CDC14A: variants seen among roughly 807,000 people sequenced by gnomAD.
CDC14A encodes the protein dual specificity protein phosphatase CDC14A.
In CDC14A, 53 loss-of-function variants were observed where a neutral mutation model predicts 74.4. That is an observed-to-expected ratio of 0.71 (90% CI 0.57 to 0.89). The LOEUF is 0.89. Ranked by LOEUF, CDC14A falls within the 40% of genes least tolerant of loss-of-function variation. The pLI is 0.00. For missense variants in CDC14A, 646 were observed against 713.7 expected (o/e 0.91, Z 1.08); for synonymous variants, 247 against 258.4 (o/e 0.96, Z 0.43).
intron 7 of CDC14A, among the ~76,000 whole-genome samples, chr1:100,448,917 A>G (rs1278724384): frequency 6.6e-6 from 1 of 152,190 alleles, no homozygotes; most frequent in Non-Finnish European, 1.5e-5. Context: ...CTGGTACCAT[A>G]GAATCCATGT....
chr1:100,515,842 G>A (rs1650173089), intron 15 of CDC14A, among the ~76,000 whole-genome samples: 1 of 152,126 alleles, frequency 6.6e-6, no homozygotes, highest in Non-Finnish European at 1.5e-5. Flanking sequence ...AACATGTTTT[G>A]TTTTGAGGAC....
rs947308999 is a variant in CDC14A, at chr1:100,359,033, C to T, written c.140+5181C>T. Among the ~76,000 whole-genome samples the T allele has an allele frequency of 5.9e-5, 9 of 152,284 alleles. No homozygotes were observed. In the East Asian group the frequency reaches 7.7e-4, roughly 13 times the overall value. On this transcript the variant is annotated intron_variant, in intron 2 of 15. Coordinates refer to ENST00000336454, the MANE Select transcript of CDC14A (RefSeq NM_003672.4). ...ATATATATGATCTGATAGAGCCTTA[C>T]GGTCATCATTTAGAACCTCAATTCT...
intron 2 of CDC14A, among the ~76,000 whole-genome samples, chr1:100,372,925 A>G (rs1023886697): frequency 1.3e-5 from 2 of 152,218 alleles, no homozygotes; most frequent in Non-Finnish European, 2.9e-5. Context: ...GGCTGGTTTC[A>G]TCTTCTATCC....
chr1:100,498,277 A>T, intron 14 of CDC14A, 70 bp downstream of exon 14: 2 of 1,549,526 alleles, frequency 1.3e-6, no homozygotes, highest in Non-Finnish European at 1.8e-6. Flanking sequence ...CGATGAGTTT[A>T]GCTGCAGTTT....
intron 10 of CDC14A, among the ~76,000 whole-genome samples, chr1:100,482,798 A>G (rs926480546): frequency 7.2e-5 from 11 of 151,958 alleles, no homozygotes; most frequent in Non-Finnish European, 1.3e-4. Context: ...ATGTATATAC[A>G]GAGAGAGATA....
intron 15 of CDC14A, among the ~76,000 whole-genome samples, chr1:100,503,841 T>C (rs1341156704): frequency 1.3e-5 from 2 of 152,232 alleles, no homozygotes; most frequent in African/African-American, 2.4e-5. Context: ...TTGAAATTAC[T>C]TGTGGTATCT....
At chr1:100,365,125 CTT>C (rs1653388310) in intron 2 of CDC14A, among the ~76,000 whole-genome samples, 2 of 152,190 alleles carry the variant, frequency 1.3e-5, no homozygotes, top group Admixed American at 1.3e-4. Context: ...AAATGTCAGA[CTT>C]TTTGCAGACA....
Position 100,498,931 on chromosome 1 carries a change from T to C in CDC14A, c.1424T>C (p.Phe475Ser), listed in dbSNP as rs1399555788. 6.2e-7 allele frequency: 1 copy of C among 1,608,018 alleles called. No homozygotes were observed. The highest frequency in any genetic ancestry group is 1.7e-5 in the Admixed American group (1 of 59,346). ...CCTCACTTGTGTTTTCCATTCAGCT[T>C]TTCCATAAACTCCCGGCTAGCCAGT... Reference protein sequence around the residue: ...SLSSGATVRSFSINSRLASSL... With the variant: ...SLSSGATVRSSSINSRLASSL... Residue 475 changes from phenylalanine to serine, a missense_variant and splice_region_variant, in exon 15 of 16, where the codon TTT becomes TCT. Physicochemically the swap from Phe to Ser is radical, Grantham distance 155. Transcript: ENST00000336454.
intron 3 of CDC14A, among the ~76,000 whole-genome samples, chr1:100,386,653 A>C (rs1656913343): frequency 1.3e-5 from 2 of 152,216 alleles, no homozygotes; most frequent in African/African-American, 4.8e-5. Context: ...AAAATTAGCC[A>C]GGCATGGTGA....
At chr1:100,433,492 A>G (rs1291151630) in intron 5 of CDC14A, among the ~76,000 whole-genome samples, 1 of 152,046 alleles carries the variant, frequency 6.6e-6, no homozygotes, top group African/African-American at 2.4e-5. Context: ...CCTCCTAACT[A>G]CTTGTTACCC....
chr1:100,420,068 A>ATT (rs1425377266), intron 4 of CDC14A, among the ~76,000 whole-genome samples: 3 of 113,828 alleles, frequency 2.6e-5, no homozygotes, highest in Non-Finnish European at 5.7e-5. Context: ...ACACACATAT[A>ATT]TATATATATA....
chr1:100,462,671 G>C lies in CDC14A; in HGVS notation c.628G>C (p.Glu210Gln). ...TTTAGGTTATCCTCTTCACGCCCCT[G>C]AAGCCTACTTTCCTTATTTCAAAAA... ...IENGYPLHAP[E>Q]AYFPYFKKHN... Residue 210 changes from glutamate (E) to glutamine (Q), a missense_variant, in exon 9 of 16, where the codon GAA (glutamate) becomes CAA (glutamine). Coordinates refer to ENST00000336454, the MANE Select transcript of CDC14A (RefSeq NM_003672.4). The C allele has an allele frequency of 6.2e-7, 1 of 1,614,076 alleles. No individual in the cohort carries two copies. The highest frequency in any genetic ancestry group is 8.5e-7 in the Non-Finnish European group (1 of 1,179,966).
chr1:100,467,621 C>T (rs114889068), intron 9 of CDC14A, among the ~76,000 whole-genome samples: 6 of 152,208 alleles, frequency 3.9e-5, no homozygotes, highest in Non-Finnish European at 5.9e-5. Context: ...TCATCCCAAC[C>T]CCCCAGCCAC....
At chr1:100,434,247 C>A (rs777472237) in intron 5 of CDC14A, among the ~76,000 whole-genome samples, 1 of 151,896 alleles carries the variant, frequency 6.6e-6, no homozygotes, top group East Asian at 1.9e-4. Context: ...TGTGGCCAGG[C>A]GTGGTGGTTT....
At chr1:100,367,860 A>G (rs768996166) in intron 2 of CDC14A, among the ~76,000 whole-genome samples, 12 of 152,202 alleles carry the variant, frequency 7.9e-5, no homozygotes, top group Non-Finnish European at 1.5e-4. Flanking sequence ...AAAGAGAGGC[A>G]TAACTTCTTC....
chr1:100,479,629 A>G (rs934802609), intron 10 of CDC14A, among the ~76,000 whole-genome samples: 10 of 152,204 alleles, frequency 6.6e-5, no homozygotes, highest in African/African-American at 2.4e-4. Flanking sequence ...GAAATACTAT[A>G]AAAATCAGAA....
At chr1:100,496,251 A>G (rs1647788379) in intron 13 of CDC14A, among the ~76,000 whole-genome samples, 1 of 151,216 alleles carries the variant, frequency 6.6e-6, no homozygotes, top group Non-Finnish European at 1.5e-5. Context: ...TGGCATGCCC[A>G]CAGGACTGTG....
At chr1:100,356,062 C>T (rs1288967037) in intron 2 of CDC14A, among the ~76,000 whole-genome samples, 2 of 151,344 alleles carry the variant, frequency 1.3e-5, no homozygotes, top group East Asian at 1.9e-4. Context: ...AGGCTTGGGA[C>T]GTGTGTTCAG....
intron 11 of CDC14A, among the ~76,000 whole-genome samples, chr1:100,488,983 G>C (rs371407752): frequency 9.2e-5 from 14 of 152,300 alleles, no homozygotes; most frequent in African/African-American, 2.6e-4. Flanking sequence ...TGTCATATAG[G>C]GCTGAGGGTG....
Sources: gnomAD v4.1 joint callset for allele counts (sites outside exome capture counted in the v4.1 genomes callset) on GRCh38, gnomAD v4.1.1 for gene constraint, MANE v1.5 for transcripts, NCBI Gene and HGNC (gene_info 2026-07-23, HGNC 2026-07-21) for gene names.